FBXL17: variants seen among roughly 807,000 people sequenced by gnomAD.
FBXL17 encodes F-box and leucine rich repeat protein 17.
In FBXL17, 22 loss-of-function variants were observed where a neutral mutation model predicts 66.2. The ratio of observed to expected loss-of-function variants is 0.33; its 90% confidence interval spans 0.24 to 0.47. The LOEUF (loss-of-function observed/expected upper bound fraction) is 0.47. FBXL17 is among the 20% of genes least tolerant of loss of function. The pLI, the probability that FBXL17 is intolerant of heterozygous loss-of-function variation, is 1.00. For missense variants in FBXL17, 878 were observed against 948.2 expected (o/e 0.93, Z 0.97); for synonymous variants, 474 against 400.5 (o/e 1.18, Z -2.19).
chr5:108,188,422 G>A (rs771412202), intron 5 of FBXL17, among the ~76,000 whole-genome samples: 2 of 152,156 alleles, frequency 1.3e-5, no homozygotes, highest in Non-Finnish European at 2.9e-5. Flanking sequence ...CTCTGCAATT[G>A]GCTTATCAGG....
intron 6 of FBXL17, among the ~76,000 whole-genome samples, chr5:108,174,748 C>CAAAAAAA (rs34237156): frequency 7.6e-5 from 7 of 92,530 alleles, no homozygotes; most frequent in African/African-American, 2.2e-4. Context: ...CACAAAGAAG[C>CAAAAAAA]AAAAAAAAAA....
chr5:108,243,978 C>T (rs1230607181), intron 4 of FBXL17, among the ~76,000 whole-genome samples: 3 of 152,122 alleles, frequency 2.0e-5, no homozygotes, highest in African/African-American at 4.8e-5. Context: ...TGCTAAAATT[C>T]ACAAAACCAG....
chr5:108,368,004 A>C (rs1748782636), intron 1 of FBXL17, 51 bp from the exon 2 acceptor site: 1 of 1,494,866 alleles, frequency 6.7e-7, no homozygotes, highest in Non-Finnish European at 8.9e-7. Flanking sequence ...TTTTCAAGGC[A>C]CAGGAAAAGG....
chr5:107,921,675 C>A (rs1207173229), intron 7 of FBXL17, among the ~76,000 whole-genome samples: 2 of 152,150 alleles, frequency 1.3e-5, no homozygotes, highest in African/African-American at 4.8e-5. Context: ...CAGGAAGGGG[C>A]AGCAAGAGCT....
intron 6 of FBXL17, among the ~76,000 whole-genome samples, chr5:108,065,582 C>T (rs1302142814): frequency 1.3e-5 from 2 of 152,106 alleles, no homozygotes; most frequent in Non-Finnish European, 2.9e-5. Context: ...CTTCTAGTTG[C>T]CTTCTTATTC....
intron 6 of FBXL17, among the ~76,000 whole-genome samples, chr5:108,185,007 G>A (rs1000923547): frequency 1.3e-5 from 2 of 151,914 alleles, no homozygotes; most frequent in African/African-American, 2.4e-5. Context: ...GCGCTACTCT[G>A]TTGTTTTCAT....
chr5:107,897,055 G>T (rs1479626702), intron 7 of FBXL17, among the ~76,000 whole-genome samples: 3 of 152,052 alleles, frequency 2.0e-5, no homozygotes, highest in African/African-American at 4.8e-5. Flanking sequence ...GCCAGCAAAA[G>T]ATGGTTTGAT....
chr5:108,275,014 C>A (rs1196864968), intron 4 of FBXL17, among the ~76,000 whole-genome samples: 1 of 152,130 alleles, frequency 6.6e-6, no homozygotes, highest in Non-Finnish European at 1.5e-5. Context: ...GAATTAAACC[C>A]CAAGTCTTTG....
chr5:108,054,531 C>A (rs1461000957), intron 6 of FBXL17, among the ~76,000 whole-genome samples: 1 of 152,128 alleles, frequency 6.6e-6, no homozygotes, highest in Non-Finnish European at 1.5e-5. Flanking sequence ...CCCTGTTTGG[C>A]CTTCTCTGCT....
At chr5:107,909,573 T>G (rs1230790431) in intron 7 of FBXL17, among the ~76,000 whole-genome samples, 1 of 152,198 alleles carries the variant, frequency 6.6e-6, no homozygotes, top group Non-Finnish European at 1.5e-5. Flanking sequence ...AAAATATTTC[T>G]TCAGCCTATC....
At chr5:107,915,439 TGGGTAAGGGCTG>T (rs1410285346) in intron 7 of FBXL17, among the ~76,000 whole-genome samples, 1 of 152,200 alleles carries the variant, frequency 6.6e-6, no homozygotes, top group Non-Finnish European at 1.5e-5. Context: ...TTTCCCAGAC[TGGGTAAGGGCTG>T]GGATAGGGGA....
At chr5:108,101,487 A>G (rs1749598781) in intron 6 of FBXL17, among the ~76,000 whole-genome samples, 1 of 152,240 alleles carries the variant, frequency 6.6e-6, no homozygotes, top group Non-Finnish European at 1.5e-5. Context: ...GAAAACATGA[A>G]CAAGTGTTTT....
At chr5:108,179,244 A>G (rs769178420) in intron 6 of FBXL17, among the ~76,000 whole-genome samples, 9 of 152,182 alleles carry the variant, frequency 5.9e-5, no homozygotes, top group Non-Finnish European at 1.0e-4. Flanking sequence ...TTATTGAATC[A>G]ACGGAAATTT....
intron 4 of FBXL17, among the ~76,000 whole-genome samples, chr5:108,302,605 C>T (rs1758643560): frequency 6.6e-6 from 1 of 151,658 alleles, no homozygotes; most frequent in African/African-American, 2.4e-5. Flanking sequence ...CTCTTCAAAC[C>T]CTTAACCTAA....
At chr5:107,924,170 C>A (rs962435606) in intron 7 of FBXL17, among the ~76,000 whole-genome samples, 3 of 151,170 alleles carry the variant, frequency 2.0e-5, no homozygotes, top group African/African-American at 7.3e-5. Flanking sequence ...CAGGGGTGAG[C>A]CACTACGCCC....
chr5:108,342,586 C>G (rs995069084), intron 4 of FBXL17, among the ~76,000 whole-genome samples: 1 of 152,142 alleles, frequency 6.6e-6, no homozygotes, highest in African/African-American at 2.4e-5. Flanking sequence ...ATTAGCATTA[C>G]AGGTAATGTA....
intron 7 of FBXL17, among the ~76,000 whole-genome samples, chr5:108,007,039 T>C (rs937073960): frequency 2.0e-5 from 3 of 152,192 alleles, no homozygotes; most frequent in African/African-American, 7.2e-5. Context: ...TGCTGCCAGA[T>C]TGCAGGGAAC....
chr5:108,252,745 C>T (rs1439450116), intron 4 of FBXL17, among the ~76,000 whole-genome samples: 1 of 152,060 alleles, frequency 6.6e-6, no homozygotes, highest in Non-Finnish European at 1.5e-5. Flanking sequence ...AACTATAGCC[C>T]ACAAGAGCTG....
intron 7 of FBXL17, among the ~76,000 whole-genome samples, chr5:107,905,146 G>T (rs909716704): frequency 6.6e-6 from 1 of 151,868 alleles, no homozygotes; most frequent in South Asian, 2.1e-4. Context: ...TAAAATTATT[G>T]CTCTATAGTC....
Sources: allele counts gnomAD v4.1 joint callset (sites outside exome capture counted in the v4.1 genomes callset), GRCh38; gene constraint gnomAD v4.1.1; transcripts MANE v1.5; gene names NCBI Gene and HGNC (gene_info 2026-07-23, HGNC 2026-07-21).